PASK: variants seen among roughly 807,000 people sequenced by gnomAD.
PASK encodes PAS domain-containing serine/threonine-protein kinase.
A neutral mutation model predicts 121.0 loss-of-function variants in PASK; 110 were observed. The ratio of observed to expected loss-of-function variants is 0.91; its 90% confidence interval spans 0.78 to 1.06. The LOEUF is 1.06. PASK is among the 50% of genes least tolerant of loss of function. The pLI is 0.00. For synonymous variants in PASK, 686 were observed against 717.8 expected, an observed-to-expected ratio of 0.96 and a Z score of 0.71; for missense variants, 1,643 against 1,702.3, an observed-to-expected ratio of 0.97 and a Z score of 0.61.
At position 241,127,381 on chromosome 2, in the gene PASK, T is replaced by A; in HGVS notation, c.1534A>T (p.Thr512Ser). The A allele has an allele frequency of 1.2e-6, 2 of 1,614,076 alleles. No individual in the cohort carries two copies. The highest frequency in any genetic ancestry group is 1.7e-6 in the Non-Finnish European group (2 of 1,179,932). The part of the protein sequence containing the change: ...EQALPKDQQI[T>S]ALGREEPVAI... ...ACAGGTTCCTCTCTCCCCAAGGCAGTGATTTGCTGGTCCTTGGGCAGCGCC... is the reference window on the plus strand; with the variant it reads ...ACAGGTTCCTCTCTCCCCAAGGCAGAGATTTGCTGGTCCTTGGGCAGCGCC... The change falls in exon 10 of 18, where the codon ACT becomes TCT. Residue 512 changes from threonine (T) to serine (S), a missense_variant. Transcript: ENST00000234040.
At chr2:241,124,162 G>A in intron 10 of PASK, 29 bp from the exon 11 acceptor site, 1 of 1,599,590 alleles carries the variant, frequency 6.3e-7, no homozygotes, top group South Asian at 1.1e-5. Flanking sequence ...AGAACGCACA[G>A]GCCTGTGCTG....
chr2:241,108,532 C>A lies in PASK; in HGVS notation c.3534-232G>T. The A allele has an allele frequency of 1.7e-6, 1 of 587,268 alleles. No homozygotes were observed. 36.4% of individuals were successfully genotyped at this position (587,268 alleles called of 1,614,324 possible). A position where few individuals can be genotyped will look rare whatever the true frequency, so the allele number is the denominator to read the frequency against. On this transcript the variant is annotated intron_variant, in intron 15 of 17. Transcript: ENST00000234040. This position sits in a 1 kb window ranked among gnomAD's most constrained non-coding sequence, Gnocchi z 5.2. ...GAGAGGCCATCGGGCAGCTCCGAGG[C>A]TAATCAGGAACTTCCTTGTGGACAC...
chr2:241,130,758 G>A (rs570702653), intron 9 of PASK, among the ~76,000 whole-genome samples: 4 of 152,190 alleles, frequency 2.6e-5, no homozygotes, highest in Non-Finnish European at 5.9e-5. Flanking sequence ...AGAAAGCACC[G>A]GCACATCGGC....
At chr2:241,131,650 G>T (rs1400850947) in intron 9 of PASK, among the ~76,000 whole-genome samples, 1 of 152,190 alleles carries the variant, frequency 6.6e-6, no homozygotes, top group East Asian at 1.9e-4. Flanking sequence ...GGGCAGCAGG[G>T]TGTAGGGGGC....
Position 241,113,645 on chromosome 2 carries a change from A to G in PASK, c.3334-1206T>C, listed in dbSNP as rs1338287582. ...AAATCACACATGAACTTGAACATGG[A>G]AAGTTTCATTAAGATTTATTAACTA... On this transcript the variant is annotated intron_variant, in intron 14 of 17. Transcript: ENST00000234040. 4 of 850,420 alleles carry G rather than the reference A, an allele frequency of 4.7e-6. No individual in the cohort carries two copies. The African/African-American group carries it at 5.5e-5, about 12-fold the overall frequency. The allele number at this position is 850,420 out of a possible 1,614,324, so 52.7% of individuals were successfully genotyped here.
In PASK at chr2:241,126,418, A is replaced by G; in HGVS notation, c.2497T>C (p.Ser833Pro). The G allele has an allele frequency of 6.2e-7, 1 of 1,614,250 alleles. No homozygotes were observed. The highest frequency in any genetic ancestry group is 8.5e-7 in the Non-Finnish European group (1 of 1,180,036). ...CTGTCGCTTGCTGCATAATGCTCAG[A>G]GGACACCAAACAAACCTCAAGCGGT... ...TEPLEVCLVS[S>P]EHYAASDRES... is the part of the protein sequence containing the mutation. Residue 833 changes from serine (S) to proline (P), a missense_variant, in exon 10 of 18, where the codon TCT becomes CCT. Physicochemically the swap from Ser to Pro is moderately conservative, Grantham distance 74. Coordinates refer to ENST00000234040, the MANE Select transcript of PASK (RefSeq NM_015148.4).
chr2:241,137,347 C>G, intron 6 of PASK, 83 bp from the exon 7 acceptor site: 1 of 1,107,394 alleles, frequency 9.0e-7, no homozygotes, highest in Non-Finnish European at 1.4e-6. Context: ...GACCCGACTT[C>G]TACCCCACGT....
intron 9 of PASK, among the ~76,000 whole-genome samples, chr2:241,130,976 T>C (rs1210775268): frequency 6.6e-6 from 1 of 152,090 alleles, no homozygotes; most frequent in Admixed American, 6.5e-5. Context: ...AGAAGTATAA[T>C]ATACAACTAT....
rs973892297 is a variant in PASK, at chr2:241,142,994, C to T, written c.39G>A (p.Gln13=). Residue 13 remains glutamine (Q), a synonymous_variant, in exon 2 of 18, where the codon CAG becomes CAA. Transcript: ENST00000234040. ...DGGLTAFEED[Q]RCLSQSLPLP... ...AGGGGAGGCTCTGGGAAAGGCATCT[C>T]TGGTCCTCTTCAAAGGCTGTTAAGC... 1 of 1,614,062 alleles carries T rather than the reference C, an allele frequency of 6.2e-7. No homozygotes were observed. Among genetic ancestry groups the T allele is most frequent in the Non-Finnish European group, 8.5e-7 (1 of 1,180,012 alleles).
chr2:241,124,482 G>A (rs1055305122), intron 10 of PASK, among the ~76,000 whole-genome samples: 2 of 152,220 alleles, frequency 1.3e-5, no homozygotes, highest in Admixed American at 1.3e-4. Flanking sequence ...ATAGCCGGGA[G>A]AACCTGCACT....
At chr2:241,133,140 G>T in intron 8 of PASK, 110 bp from the exon 9 acceptor site, 2 of 1,120,932 alleles carry the variant, frequency 1.8e-6, no homozygotes, top group Non-Finnish European at 2.7e-6. Context: ...GACCAGCATC[G>T]ACCACCTCTC....
At chr2:241,119,766 G>A (rs553784573) in intron 12 of PASK, among the ~76,000 whole-genome samples, 111 of 152,186 alleles carry the variant, frequency 7.3e-4, no homozygotes, top group African/African-American at 2.5e-3. Flanking sequence ...CACCGCGCCC[G>A]GCCTGCAAGA....
intron 1 of PASK, among the ~76,000 whole-genome samples, chr2:241,146,359 G>A (rs1342698178): frequency 6.6e-6 from 1 of 152,094 alleles, no homozygotes; most frequent in Non-Finnish European, 1.5e-5. Context: ...TTATATTTCA[G>A]AGAAATTTTT....
At chr2:241,111,148 G>A (rs368308429) in intron 15 of PASK, among the ~76,000 whole-genome samples, 17 of 152,208 alleles carry the variant, frequency 1.1e-4, no homozygotes, top group East Asian at 5.8e-4. Flanking sequence ...AGGCCCTCCC[G>A]AGAGCCCAAG....
chr2:241,132,314 G>A (rs1385422984), intron 9 of PASK, among the ~76,000 whole-genome samples: 2 of 151,572 alleles, frequency 1.3e-5, no homozygotes, highest in African/African-American at 2.4e-5. Context: ...AACAAAGTCA[G>A]GAAATCGAGA....
chr2:241,126,741 C>G lies in PASK; in HGVS notation c.2174G>C (p.Gly725Ala). The G allele has an allele frequency of 1.2e-6, 2 of 1,614,078 alleles. No individual in the cohort carries two copies. Among genetic ancestry groups the G allele is most frequent in the Non-Finnish European group, 1.7e-6 (2 of 1,180,034 alleles). ...CTCCTGGGCCTCCACTGCTTCCAGG[C>G]CCCCAGGGAGGTCCGTGGCCAAGGC... is the stretch of plus-strand genomic sequence containing the variant. ...CYALATDLPG[G>A]LEAVEAQEVD... Residue 725 changes from glycine (G) to alanine (A), a missense_variant, in exon 10 of 18, where the codon GGC becomes GCC. Around this residue, in one of 3 missense-constraint regions of PASK, gnomAD observed 1,176 missense variants for 1,162.2 expected, o/e 1.01. Transcript: ENST00000234040.
rs768833331 is a variant in PASK at position 241,115,031 on chromosome 2, G to C, written c.3333+12C>G. ...CTGCGTTCACACTAACACGGCTCTG[G>C]CCTGCTCTCACTTGTCGGAAGATGT... is the stretch of plus-strand genomic sequence containing the variant. On this transcript the variant is annotated intron_variant, in intron 14 of 17. Coordinates refer to ENST00000234040, the MANE Select transcript of PASK (RefSeq NM_015148.4). The C allele has an allele frequency of 1.9e-6, 3 of 1,614,138 alleles. No homozygotes were observed. The highest frequency in any genetic ancestry group is 2.5e-6 in the Non-Finnish European group (3 of 1,180,000).
intron 8 of PASK, 62 bp downstream of exon 8, chr2:241,135,809 G>A: frequency 6.7e-7 from 1 of 1,487,158 alleles, no homozygotes; most frequent in Non-Finnish European, 9.4e-7. Context: ...CTGTCTCAGA[G>A]GCATGGGGCT....
At position 241,106,599 on chromosome 2, in the gene PASK, C is replaced by T. The variant is rs1199094227; in HGVS notation, c.3939G>A (p.Leu1313=). The change falls in exon 18 of 18, where the codon TTG becomes TTA. Residue 1313 remains leucine, a synonymous_variant. Coordinates refer to ENST00000234040, the MANE Select transcript of PASK (RefSeq NM_015148.4). ...PGEAPNGQGC[L]HPGDPRLLTS is the part of the protein sequence containing the mutation. Reference sequence around the variant, plus strand: ...TCAGCAGACGGGGATCCCCGGGATGCAAACAGCCTTGGCCATTAGGAGCCT... The same window carrying T: ...TCAGCAGACGGGGATCCCCGGGATGTAAACAGCCTTGGCCATTAGGAGCCT... 6.8e-6 allele frequency: 11 copies of T among 1,614,092 alleles called. No homozygotes were observed. Among genetic ancestry groups the T allele is most frequent in the Non-Finnish European group, 9.3e-6 (11 of 1,180,048 alleles).
Sources: gnomAD v4.1 joint callset for allele counts (sites outside exome capture counted in the v4.1 genomes callset) on GRCh38, gnomAD v4.1.1 for gene constraint, gnomAD v4.1.1 regional missense constraint, Gnocchi (gnomAD v3.1) non-coding constraint, MANE v1.5 for transcripts, NCBI Gene and HGNC (gene_info 2026-07-23, HGNC 2026-07-21) for gene names.